Variants in GRIK4 observed in about 807,000 individuals in gnomAD.
GRIK4 encodes the protein glutamate ionotropic receptor kainate type subunit 4, also known as glutamate receptor ionotropic, kainate 4.
A neutral mutation model predicts 104.9 loss-of-function variants in GRIK4; 40 were observed. That is an observed-to-expected ratio of 0.38 (90% CI 0.30 to 0.50). The LOEUF (loss-of-function observed/expected upper bound fraction) is 0.50. Ranked by LOEUF, GRIK4 falls within the 20% of genes least tolerant of loss-of-function variation. The pLI is 0.93. For missense variants in GRIK4, 1,047 were observed against 1,308.1 expected, an observed-to-expected ratio of 0.80 and a Z score of 3.08; for synonymous variants, 485 against 524.9, an observed-to-expected ratio of 0.92 and a Z score of 1.04.
intron 9 of GRIK4, chr11:120,871,766 A>G (rs1040897335): frequency 8.8e-6 from 4 of 456,142 alleles, no homozygotes; most frequent in Non-Finnish European, 1.8e-5. Context: ...TAAAGCAAAG[A>G]AGCAAGGCAA....
At chr11:120,825,420 AAC>A (rs1310095688) in intron 6 of GRIK4, among the ~76,000 whole-genome samples, 6 of 152,328 alleles carry the variant, frequency 3.9e-5, no homozygotes, top group African/African-American at 1.4e-4. Flanking sequence ...GAGAGTGAAT[AAC>A]ACAGTGTCCA....
At chr11:120,907,007 G>A (rs972807992) in intron 13 of GRIK4, among the ~76,000 whole-genome samples, 12 of 152,182 alleles carry the variant, frequency 7.9e-5, no homozygotes, top group Non-Finnish European at 1.5e-4. Context: ...CAGGGCGAAG[G>A]CTTCAGCAGA....
chr11:120,871,417 C>G, intron 9 of GRIK4: 1 of 354,164 alleles, frequency 2.8e-6, no homozygotes, highest in Non-Finnish European at 5.6e-6. Context: ...GAGCTGAGGG[C>G]AAAGGGGAAG....
At chr11:120,630,950 C>T (rs1030582949) in intron 1 of GRIK4, among the ~76,000 whole-genome samples, 4 of 152,158 alleles carry the variant, frequency 2.6e-5, no homozygotes, top group Admixed American at 6.5e-5. Context: ...TCCAGCCGAG[C>T]GGTTAAGAAT....
chr11:120,514,846 C>T, intron 1 of GRIK4: 1 of 398,504 alleles, frequency 2.5e-6, no homozygotes, highest in South Asian at 1.9e-5. Context: ...AGTGTCCACT[C>T]CGACCTTTGC....
intron 1 of GRIK4, among the ~76,000 whole-genome samples, chr11:120,579,389 G>A (rs148289217): frequency 6.4e-4 from 97 of 152,280 alleles, no homozygotes; most frequent in Non-Finnish European, 1.0e-3. Flanking sequence ...GGAACAAGGC[G>A]GTAGCAAGGT....
rs569202817 is a variant in GRIK4 at position 120,950,311 on chromosome 11, A to C, written c.1591-2544A>C. Among the ~76,000 whole-genome samples, 409 of 152,260 alleles carry C rather than the reference A, an allele frequency of 2.7e-3. 5 individuals are homozygous for C. The highest frequency in any genetic ancestry group is 9.5e-3 in the African/African-American group (395 of 41,544). ...TTATGTCATGGTTTTTGTTCGTGTG[A>C]TGTTCTCTGTTTTATAACTTTGGTC... is the stretch of plus-strand genomic sequence containing the variant. On this transcript the variant is annotated intron_variant, in intron 14 of 20. Coordinates refer to ENST00000527524, the MANE Select transcript of GRIK4 (RefSeq NM_014619.5).
intron 3 of GRIK4, among the ~76,000 whole-genome samples, chr11:120,727,066 C>T (rs1951040397): frequency 6.6e-6 from 1 of 152,148 alleles, no homozygotes; most frequent in African/African-American, 2.4e-5. Flanking sequence ...AGGAGAACCA[C>T]AAACTAGCAA....
chr11:120,707,125 G>A (rs1170880688), intron 3 of GRIK4, among the ~76,000 whole-genome samples: 3 of 152,170 alleles, frequency 2.0e-5, no homozygotes, highest in African/African-American at 4.8e-5. Flanking sequence ...AGGAGGATAC[G>A]GCAGTGTGAT....
intron 3 of GRIK4, among the ~76,000 whole-genome samples, chr11:120,748,878 C>T (rs1175984071): frequency 6.6e-6 from 1 of 152,196 alleles, no homozygotes; most frequent in South Asian, 2.1e-4. Context: ...GGGAAATCTG[C>T]CTGTTGTTCC....
chr11:120,872,322 T>C (rs1304148326), intron 9 of GRIK4: 1 of 214,998 alleles, frequency 4.7e-6, no homozygotes, highest in Non-Finnish European at 9.4e-6. Context: ...GCTTTTAAGC[T>C]CTTTCCTCGA....
intron 11 of GRIK4, among the ~76,000 whole-genome samples, chr11:120,893,930 A>C (rs377570560): frequency 6.6e-6 from 1 of 152,200 alleles, no homozygotes; most frequent in Non-Finnish European, 1.5e-5. Context: ...GCTCGGCTCT[A>C]GAATTTCTGA....
intron 3 of GRIK4, among the ~76,000 whole-genome samples, chr11:120,719,137 G>T (rs201931301): frequency 8.1e-6 from 1 of 123,914 alleles, no homozygotes; most frequent in East Asian, 2.6e-4. Context: ...AGATTTTAAA[G>T]AAATCCAACA....
intron 1 of GRIK4, among the ~76,000 whole-genome samples, chr11:120,539,759 G>A (rs569691416): frequency 2.0e-5 from 3 of 152,274 alleles, no homozygotes; most frequent in South Asian, 2.1e-4. Context: ...GGGGCTGGAC[G>A]GTGGGTTTCT....
chr11:120,980,914 G>A (rs938938993), intron 19 of GRIK4, among the ~76,000 whole-genome samples: 2 of 152,204 alleles, frequency 1.3e-5, no homozygotes, highest in Non-Finnish European at 2.9e-5. Flanking sequence ...TACTGAAATG[G>A]CCATAGAGCT....
intron 1 of GRIK4, among the ~76,000 whole-genome samples, chr11:120,647,311 C>A (rs1329443129): frequency 1.3e-5 from 2 of 152,198 alleles, no homozygotes; most frequent in African/African-American, 4.8e-5. Context: ...ATTCACACTA[C>A]CCCCAACATG....
rs369038499 is a variant in GRIK4 at position 120,962,611 on chromosome 11, G to A, written c.2196G>A (p.Gln732=). ...LESTMNEYYR[Q]RNCNLTQIGG... ...CCACCATGAACGAGTACTATCGGCA[G>A]CGAAACTGCAACCTCACTCAGATTG... Residue 732 remains glutamine, a synonymous_variant, in exon 18 of 21, where the codon CAG becomes CAA. Transcript: ENST00000527524. 21 of 1,614,054 alleles carry A rather than the reference G, an allele frequency of 1.3e-5. No homozygotes were observed. In the African/African-American group the frequency reaches 2.8e-4, roughly 22 times the overall value.
intron 1 of GRIK4, among the ~76,000 whole-genome samples, chr11:120,621,850 G>A (rs1301565793): frequency 6.6e-6 from 1 of 152,032 alleles, no homozygotes; most frequent in Non-Finnish European, 1.5e-5. Context: ...TGGGTATGGG[G>A]TATAGCTTGT....
At chr11:120,794,268 T>C (rs1591922297) in intron 3 of GRIK4, among the ~76,000 whole-genome samples, 1 of 146,152 alleles carries the variant, frequency 6.8e-6, no homozygotes, top group South Asian at 2.2e-4. Flanking sequence ...TGAGGGGAGG[T>C]GTTAGGGCTG....
Sources: allele counts gnomAD v4.1 joint callset (sites outside exome capture counted in the v4.1 genomes callset), GRCh38; gene constraint gnomAD v4.1.1; transcripts MANE v1.5; gene names NCBI Gene and HGNC (gene_info 2026-07-23, HGNC 2026-07-21).